SPIDR: variants seen among roughly 807,000 people sequenced by gnomAD.
SPIDR encodes DNA repair-scaffolding protein.
Under a neutral mutation model 104.6 loss-of-function variants are expected in SPIDR, and 93 were observed. The ratio of observed to expected loss-of-function variants is 0.89; its 90% CI spans 0.75 to 1.06. The LOEUF is 1.06. Ranked by LOEUF, SPIDR falls within the 50% of genes least tolerant of loss-of-function variation. SPIDR has a pLI of 0.00. For synonymous variants in SPIDR, 431 were observed against 416.9 expected, an observed-to-expected ratio of 1.03 and a Z score of -0.41; for missense variants, 1,154 against 1,111.2, an observed-to-expected ratio of 1.04 and a Z score of -0.55.
intron 5 of SPIDR, among the ~76,000 whole-genome samples, chr8:47,333,891 T>C (rs1314537122): frequency 2.0e-5 from 3 of 152,240 alleles, no homozygotes; most frequent in Non-Finnish European, 4.4e-5. Flanking sequence ...AACATCATTA[T>C]GTGGCATGTG....
intron 8 of SPIDR, among the ~76,000 whole-genome samples, chr8:47,552,368 G>C (rs1253154416): frequency 1.3e-5 from 2 of 152,102 alleles, no homozygotes; most frequent in Non-Finnish European, 2.9e-5. Context: ...ATTTACAGTG[G>C]GGTGTTAAAG....
chr8:47,551,872 A>G (rs1158756734), intron 8 of SPIDR, among the ~76,000 whole-genome samples: 9 of 152,198 alleles, frequency 5.9e-5, no homozygotes, highest in Admixed American at 2.0e-4. Context: ...TAGGGTGTCA[A>G]TTTTAGAACT....
At chr8:47,514,666 A>C (rs1257853554) in intron 8 of SPIDR, among the ~76,000 whole-genome samples, 2 of 152,208 alleles carry the variant, frequency 1.3e-5, no homozygotes, top group African/African-American at 4.8e-5. Flanking sequence ...ATGTTAGGAG[A>C]GACATAAAAA....
chr8:47,491,039 CA>C (rs1554739025), intron 8 of SPIDR, among the ~76,000 whole-genome samples: 1 of 152,058 alleles, frequency 6.6e-6, no homozygotes. Context: ...CTACACGTGT[CA>C]AAAACATTTT....
At chr8:47,528,036 G>A (rs997583631) in intron 8 of SPIDR, 1 of 152,168 alleles carries the variant, frequency 6.6e-6, no homozygotes, top group Non-Finnish European at 1.5e-5. Flanking sequence ...TGATCTTTCT[G>A]TTCCAGGACT....
chr8:47,386,579 G>T (rs782101176), intron 5 of SPIDR, among the ~76,000 whole-genome samples: 9 of 151,998 alleles, frequency 5.9e-5, no homozygotes, highest in Non-Finnish European at 1.0e-4. Flanking sequence ...GGATTGCTGT[G>T]GGGGCTCGAG....
At chr8:47,369,007 T>C (rs1262689969) in intron 5 of SPIDR, among the ~76,000 whole-genome samples, 1 of 152,212 alleles carries the variant, frequency 6.6e-6, no homozygotes, top group Non-Finnish European at 1.5e-5. Flanking sequence ...AGTATGTGTT[T>C]CATAGGCACG....
chr8:47,563,700 CT>C (rs2057377543), intron 8 of SPIDR, among the ~76,000 whole-genome samples: 2 of 152,168 alleles, frequency 1.3e-5, no homozygotes, highest in Admixed American at 1.3e-4. Context: ...AAGAATACTC[CT>C]AAAGATGGAA....
At chr8:47,380,492 A>G (rs2059198962) in intron 5 of SPIDR, among the ~76,000 whole-genome samples, 1 of 149,708 alleles carries the variant, frequency 6.7e-6, no homozygotes. Flanking sequence ...TCCACCCTCC[A>G]CTCCTGCTTG....
At chr8:47,606,942 G>A (rs1457851263) in intron 10 of SPIDR, among the ~76,000 whole-genome samples, 1 of 152,206 alleles carries the variant, frequency 6.6e-6, no homozygotes, top group South Asian at 2.1e-4. Context: ...TAAAGAGCCT[G>A]AAGGGAAGAC....
intron 8 of SPIDR, among the ~76,000 whole-genome samples, chr8:47,587,112 A>G (rs1408171527): frequency 6.6e-6 from 1 of 151,978 alleles, no homozygotes; most frequent in Non-Finnish European, 1.5e-5. Flanking sequence ...TCTTAAGTCT[A>G]AGTACTCTTT....
At chr8:47,488,845 C>T (rs1219751788) in intron 8 of SPIDR, among the ~76,000 whole-genome samples, 5 of 152,124 alleles carry the variant, frequency 3.3e-5, no homozygotes, top group African/African-American at 9.7e-5. Context: ...ATTGATGGGA[C>T]GTATCTCAAA....
At chr8:47,264,185 G>A (rs1392255721) in intron 1 of SPIDR, among the ~76,000 whole-genome samples, 1 of 152,158 alleles carries the variant, frequency 6.6e-6, no homozygotes, top group Non-Finnish European at 1.5e-5. Context: ...GTGTGGTTAT[G>A]GACTAAGGTG....
chr8:47,476,578 C>T (rs2076316819), intron 8 of SPIDR, among the ~76,000 whole-genome samples: 1 of 152,100 alleles, frequency 6.6e-6, no homozygotes, highest in South Asian at 2.1e-4. Flanking sequence ...CCCTTTCTCA[C>T]CTCACCACCT....
intron 8 of SPIDR, among the ~76,000 whole-genome samples, chr8:47,590,647 A>G (rs2060894409): frequency 6.6e-6 from 1 of 152,174 alleles, no homozygotes; most frequent in African/African-American, 2.4e-5. Flanking sequence ...GGAGTATTCT[A>G]TAATGTCAGC....
intron 5 of SPIDR, among the ~76,000 whole-genome samples, chr8:47,370,541 G>T (rs190631830): frequency 9.6e-4 from 145 of 150,488 alleles, no homozygotes; most frequent in Admixed American, 1.8e-3. Flanking sequence ...CTGCCTCCTG[G>T]GTTCAAGCGA....
At chr8:47,412,029 C>G (rs1418920149) in intron 7 of SPIDR, among the ~76,000 whole-genome samples, 1 of 152,102 alleles carries the variant, frequency 6.6e-6, no homozygotes, top group Non-Finnish European at 1.5e-5. Flanking sequence ...TGTTTTGGTA[C>G]CAGTACCATG....
At chr8:47,354,751 C>T (rs1459424837) in intron 5 of SPIDR, among the ~76,000 whole-genome samples, 4 of 152,106 alleles carry the variant, frequency 2.6e-5, no homozygotes, top group African/African-American at 9.7e-5. Context: ...AGGTGATCCT[C>T]CTGCCTCAGC....
intron 8 of SPIDR, among the ~76,000 whole-genome samples, chr8:47,481,665 G>T (rs2076915479): frequency 6.6e-6 from 1 of 152,126 alleles, no homozygotes; most frequent in Admixed American, 6.5e-5. Flanking sequence ...TGGACAGAAT[G>T]AATACAAAGG....
Sources: allele counts gnomAD v4.1 joint callset (sites outside exome capture counted in the v4.1 genomes callset), GRCh38; gene constraint gnomAD v4.1.1; transcripts MANE v1.5; gene names NCBI Gene and HGNC (gene_info 2026-07-23, HGNC 2026-07-21).